RHBDD1: variants seen among roughly 807,000 people sequenced by gnomAD.
The protein encoded by RHBDD1 is rhomboid-related protein 4.
A neutral mutation model predicts 36.3 loss-of-function variants in RHBDD1; 38 were observed. The observed-to-expected ratio is 1.05, with a 90% CI of 0.81 to 1.37. The LOEUF is 1.37. Ranked by LOEUF, RHBDD1 falls within the 40% of genes most tolerant of loss-of-function variation. RHBDD1 has a pLI of 0.00. For synonymous variants in RHBDD1, 151 were observed against 136.5 expected (o/e 1.11, Z -0.74); for missense variants, 393 against 377.6 (o/e 1.04, Z -0.34).
rs930649622 is a variant in RHBDD1 at position 226,912,819 on chromosome 2, A to G, written c.713-1389A>G. ...GCAACTCTAAAATATACTAAAAACC[A>G]CTGAGTTGTACACTTTAAGTTGATA... On this transcript the variant is annotated intron_variant, in intron 7 of 8. Coordinates refer to ENST00000392062, the MANE Select transcript of RHBDD1 (RefSeq NM_001167608.3). Among the ~76,000 whole-genome samples, 199 of 152,254 alleles carry G rather than the reference A, an allele frequency of 1.3e-3. 3 individuals are homozygous for G. Among genetic ancestry groups the G allele is most frequent in the African/African-American group, 4.7e-3 (195 of 41,562 alleles).
intron 8 of RHBDD1, among the ~76,000 whole-genome samples, chr2:226,991,268 C>T (rs1424714949): frequency 6.6e-6 from 1 of 152,204 alleles, no homozygotes; most frequent in Non-Finnish European, 1.5e-5. Flanking sequence ...GCAATCTCTG[C>T]TTCCTGGGTT....
the RHBDD1 span, among the ~76,000 whole-genome samples, chr2:226,823,845 C>T: frequency 6.6e-6 from 1 of 152,134 alleles, no homozygotes; most frequent in African/African-American, 2.4e-5. Context: ...TGGAAGACAT[C>T]ACATGGGCAA....
upstream of RHBDD1, among the ~76,000 whole-genome samples, chr2:226,833,523 C>T (rs1469825809): frequency 2.0e-5 from 3 of 152,138 alleles, no homozygotes; most frequent in African/African-American, 4.8e-5. Flanking sequence ...TCATTTAAGT[C>T]GGGTGGCTTA....
chr2:226,882,187 T>C (rs1436139173), intron 5 of RHBDD1, among the ~76,000 whole-genome samples: 2 of 152,226 alleles, frequency 1.3e-5, no homozygotes, highest in African/African-American at 4.8e-5. Context: ...CCCAGCACTT[T>C]GGGAGGCCGA....
At chr2:226,986,018 T>C (rs1956859169) in intron 8 of RHBDD1, among the ~76,000 whole-genome samples, 2 of 152,254 alleles carry the variant, frequency 1.3e-5, no homozygotes, top group South Asian at 4.1e-4. Context: ...TGATAAGTCA[T>C]GTTGACAGCA....
chr2:226,998,230 T>C lies in RHBDD1; in HGVS notation c.*2708T>C, dbSNP rs956640444. On this transcript the variant is annotated 3_prime_UTR_variant, in exon 9 of 9. Transcript: ENST00000392062. ...AATGTATTGCCTGTGATTCCAAAGTTGTACATAATTGTTCAGACCTCCTCC... is the reference window on the plus strand; with the variant it reads ...AATGTATTGCCTGTGATTCCAAAGTCGTACATAATTGTTCAGACCTCCTCC... 6.6e-6 allele frequency: 1 copy of C among 152,184 alleles called. No individual in the cohort carries two copies. The highest frequency in any genetic ancestry group is 1.5e-5 in the Non-Finnish European group (1 of 68,038). The allele number at this position is 152,184 out of a possible 1,614,324, so 9.4% of individuals were successfully genotyped here. A position where few individuals can be genotyped will look rare whatever the true frequency, so the allele number is the denominator to read the frequency against.
In RHBDD1 at chr2:226,956,341, G is replaced by T. The variant is rs13403783; in HGVS notation, c.857-39090G>T. ...GTCCCCTCTGCTAGCCAGTCATCTG[G>T]CCTCTCCAGACACGTCCCCCCGGCC... On this transcript the variant is annotated intron_variant, in intron 8 of 8. Coordinates refer to ENST00000392062, the MANE Select transcript of RHBDD1 (RefSeq NM_001167608.3). 5.0e-3 allele frequency among the ~76,000 whole-genome samples: 763 copies of T among 152,214 alleles called. 5 individuals carry two copies. The highest frequency in any genetic ancestry group is 0.017 in the African/African-American group (723 of 41,522).
upstream of RHBDD1, among the ~76,000 whole-genome samples, chr2:226,830,740 C>A (rs1940720433): frequency 6.6e-6 from 1 of 152,312 alleles, no homozygotes; most frequent in African/African-American, 2.4e-5. Context: ...GTGGCACAAT[C>A]ACAGCTCGCT....
intron 7 of RHBDD1, among the ~76,000 whole-genome samples, chr2:226,909,919 A>C (rs4675119): frequency 0.43 from 64,725 of 152,044 alleles, 13,881 homozygotes; most frequent in South Asian, 0.5. Flanking sequence ...CCTTTTCTTT[A>C]AAGGACCGGA....
chr2:226,943,450 C>T (rs1575184966), intron 8 of RHBDD1, among the ~76,000 whole-genome samples: 1 of 152,248 alleles, frequency 6.6e-6, no homozygotes, highest in East Asian at 1.9e-4. Context: ...ATCCAAAGCC[C>T]AGTAGTTTTT....
chr2:226,909,025 G>A (rs750347342), intron 7 of RHBDD1, 147 bp downstream of exon 7: 2 of 589,476 alleles, frequency 3.4e-6, no homozygotes, highest in Non-Finnish European at 6.1e-6. Flanking sequence ...ACACCTGGAA[G>A]CTAGATGGAG....
chr2:226,864,982 A>G lies in RHBDD1; in HGVS notation c.289A>G (p.Arg97Gly). Reference sequence around the variant, plus strand: ...GCTCTGGAAAGGAATAAATCTAGAAAGAAGACTGGGAAGTAGATGGTTTGC... The same window carrying G: ...GCTCTGGAAAGGAATAAATCTAGAAGGAAGACTGGGAAGTAGATGGTTTGC... ...SMLWKGINLE[R>G]RLGSRWFAYV... Residue 97 changes from arginine (R) to glycine (G), a missense_variant, in exon 4 of 9, where the codon AGA becomes GGA. Physicochemically the swap from Arg to Gly is moderately radical, Grantham distance 125. Coordinates refer to ENST00000392062, the MANE Select transcript of RHBDD1 (RefSeq NM_001167608.3). 1 of 1,614,246 alleles carries G rather than the reference A, an allele frequency of 6.2e-7. No individual in the cohort carries two copies. Among genetic ancestry groups the G allele is most frequent in the African/African-American group, 1.3e-5 (1 of 75,066 alleles).
At chr2:226,859,202 A>T (rs1424796649) in intron 3 of RHBDD1, among the ~76,000 whole-genome samples, 2 of 152,202 alleles carry the variant, frequency 1.3e-5, no homozygotes, top group East Asian at 3.8e-4. Flanking sequence ...ACATACATGG[A>T]TTCTGTATCC....
At chr2:226,948,584 A>AAC (rs1951185396) in intron 8 of RHBDD1, among the ~76,000 whole-genome samples, 1 of 119,662 alleles carries the variant, frequency 8.4e-6, no homozygotes, top group Non-Finnish European at 1.7e-5. Flanking sequence ...AAAAAAAAAA[A>AAC]ACGAAAAAAA....
At position 226,943,981 on chromosome 2, in the gene RHBDD1, C is replaced by T. The variant is rs546405522; in HGVS notation, c.856+29630C>T. On this transcript the variant is annotated intron_variant, in intron 8 of 8. Transcript: ENST00000392062. Reference sequence around the variant, plus strand: ...TCTCTGTGTGCTCTGAGGAAGGGATCCAAGTGGCCATTGTTGACAGGCCAT... The same window carrying T: ...TCTCTGTGTGCTCTGAGGAAGGGATTCAAGTGGCCATTGTTGACAGGCCAT... Among the ~76,000 whole-genome samples the T allele has an allele frequency of 8.5e-5, 13 of 152,296 alleles. No homozygotes were observed. In the East Asian group the frequency reaches 2.5e-3, roughly 29 times the overall value.
intron 5 of RHBDD1, among the ~76,000 whole-genome samples, chr2:226,891,267 G>A (rs1946659961): frequency 6.6e-6 from 1 of 152,166 alleles, no homozygotes; most frequent in African/African-American, 2.4e-5. Context: ...AATTCCTTCT[G>A]TGTTGTTGGA....
chr2:226,803,333 TGA>T, the RHBDD1 span, among the ~76,000 whole-genome samples: 1,788 of 147,588 alleles, frequency 0.012, 17 homozygotes, highest in African/African-American at 0.021. Flanking sequence ...TGTGTGTGTG[TGA>T]GAGAGAGAGA....
In RHBDD1 at chr2:226,882,537, A is replaced by T. The variant is rs185457221; in HGVS notation, c.566+15219A>T. 2.0e-5 allele frequency among the ~76,000 whole-genome samples: 3 copies of T among 149,862 alleles called. No homozygotes were observed. In the East Asian group the frequency reaches 5.9e-4, roughly 30 times the overall value. ...AAGACATAGGCTTTATTATTTACTTATGTTTTTTAAGTAAATTCTTTTTTT... is the reference window on the plus strand; with the variant it reads ...AAGACATAGGCTTTATTATTTACTTTTGTTTTTTAAGTAAATTCTTTTTTT... On this transcript the variant is annotated intron_variant, in intron 5 of 8. Coordinates refer to ENST00000392062, the MANE Select transcript of RHBDD1 (RefSeq NM_001167608.3).
intron 5 of RHBDD1, among the ~76,000 whole-genome samples, chr2:226,892,522 A>G (rs566165296): frequency 6.6e-6 from 1 of 152,330 alleles, no homozygotes; most frequent in East Asian, 1.9e-4. Context: ...TTATAAGTAC[A>G]AAGAACTTGT....
Sources: allele counts gnomAD v4.1 joint callset (sites outside exome capture counted in the v4.1 genomes callset), GRCh38; gene constraint gnomAD v4.1.1; transcripts MANE v1.5; gene names NCBI Gene and HGNC (gene_info 2026-07-23, HGNC 2026-07-21).